The following GRK3 variants were observed in gnomAD, a reference collection of about 807,000 sequenced individuals.
The protein encoded by GRK3 is G protein-coupled receptor kinase 3.
A neutral mutation model predicts 95.7 loss-of-function variants in GRK3; 54 were observed. The ratio of observed to expected loss-of-function variants is 0.56; its 90% CI spans 0.45 to 0.71. The LOEUF (loss-of-function observed/expected upper bound fraction) is 0.71, where lower values mean the gene tolerates loss of function less well. Among genes scored for constraint, GRK3 ranks in the 30% least tolerant of loss-of-function variants. GRK3 has a pLI of 0.00. For missense variants in GRK3, 649 were observed against 851.2 expected (o/e 0.76, Z 2.96); for synonymous variants, 281 against 290.8 (o/e 0.97, Z 0.34).
In GRK3 at chr22:25,568,320, TA is replaced by T. The variant is rs59430661; in HGVS notation, c.113+3175del. Among the ~76,000 whole-genome samples, 227 of 151,762 alleles carry T rather than the reference TA, an allele frequency of 1.5e-3. 1 individual carries two copies. The highest frequency in any genetic ancestry group is 5.2e-3 in the African/African-American group (216 of 41,362). ...TATTACTCTGTTACTCTTTTTTTTTTAAAAAAAACAGAATGAAATTCAGATG... is the reference window on the plus strand; with the variant it reads ...TATTACTCTGTTACTCTTTTTTTTTTAAAAAAACAGAATGAAATTCAGATG... On this transcript the variant is annotated intron_variant, in intron 1 of 20. Transcript: ENST00000324198.
chr22:25,576,136 T>C (rs1931884687), intron 1 of GRK3, among the ~76,000 whole-genome samples: 1 of 152,160 alleles, frequency 6.6e-6, no homozygotes, highest in Non-Finnish European at 1.5e-5. Context: ...CATTAAACAC[T>C]GGCTCCCACA....
intron 19 of GRK3, among the ~76,000 whole-genome samples, chr22:25,719,975 G>A (rs372885923): frequency 4.1e-4 from 62 of 152,192 alleles, no homozygotes; most frequent in African/African-American, 1.5e-3. Flanking sequence ...TCCTGCCATC[G>A]AAGTTATTTT....
chr22:25,673,351 C>T (rs904206826), intron 7 of GRK3, among the ~76,000 whole-genome samples: 8 of 148,576 alleles, frequency 5.4e-5, no homozygotes, highest in Non-Finnish European at 1.0e-4. Context: ...CGTGAGCCAC[C>T]GCGCCCAGCA....
intron 2 of GRK3, among the ~76,000 whole-genome samples, chr22:25,618,771 T>A (rs141517907): frequency 4.0e-5 from 6 of 151,876 alleles, no homozygotes; most frequent in Admixed American, 3.9e-4. Context: ...CCCTGAACTC[T>A]TGATGCCCTC....
At chr22:25,694,728 C>T (rs533731228) in intron 12 of GRK3, among the ~76,000 whole-genome samples, 2 of 152,264 alleles carry the variant, frequency 1.3e-5, no homozygotes, top group East Asian at 1.9e-4. Flanking sequence ...GCAGCGTGGT[C>T]GCCTGTTCAT....
At chr22:25,612,331 A>G (rs1232383946) in intron 2 of GRK3, among the ~76,000 whole-genome samples, 9 of 152,136 alleles carry the variant, frequency 5.9e-5, no homozygotes, top group African/African-American at 2.2e-4. Flanking sequence ...TTCTCATTAA[A>G]TTTGTTCCCA....
chr22:25,666,690 G>A (rs2084944071), intron 5 of GRK3, among the ~76,000 whole-genome samples: 1 of 151,984 alleles, frequency 6.6e-6, no homozygotes, highest in South Asian at 2.1e-4. Context: ...GGTTCCTGTG[G>A]CTTCTGCAGA....
At chr22:25,676,499 G>A (rs2085030739) in intron 8 of GRK3, among the ~76,000 whole-genome samples, 1 of 152,030 alleles carries the variant, frequency 6.6e-6, no homozygotes, top group South Asian at 2.1e-4. Context: ...AGACTGTCCT[G>A]GCTAACACAG....
chr22:25,592,890 C>T (rs950967102), intron 1 of GRK3, among the ~76,000 whole-genome samples: 7 of 152,108 alleles, frequency 4.6e-5, no homozygotes, highest in African/African-American at 1.7e-4. Context: ...TTAGCTCCCA[C>T]TTATAAGTAA....
chr22:25,666,583 C>T (rs370346469), intron 5 of GRK3, among the ~76,000 whole-genome samples: 6 of 152,218 alleles, frequency 3.9e-5, no homozygotes, highest in Admixed American at 2.0e-4. Flanking sequence ...CCCCCACCAC[C>T]GCCCCCTATC....
intron 20 of GRK3, among the ~76,000 whole-genome samples, chr22:25,722,023 C>G (rs946966397): frequency 2.6e-5 from 4 of 152,192 alleles, no homozygotes; most frequent in African/African-American, 9.7e-5. Context: ...AAAGTAATCT[C>G]TAAACAAATT....
At chr22:25,715,448 G>A (rs2085376499) in intron 18 of GRK3, among the ~76,000 whole-genome samples, 1 of 152,128 alleles carries the variant, frequency 6.6e-6, no homozygotes, top group Non-Finnish European at 1.5e-5. Context: ...GAGGTCGTCT[G>A]CAGTGAGCTG....
At chr22:25,720,590 C>T (rs956644585) in intron 19 of GRK3, among the ~76,000 whole-genome samples, 1 of 150,280 alleles carries the variant, frequency 6.7e-6, no homozygotes, top group Admixed American at 6.7e-5. Flanking sequence ...GATTCTCCTG[C>T]CTCAGCCTCC....
intron 15 of GRK3, among the ~76,000 whole-genome samples, chr22:25,706,482 C>A (rs1421969863): frequency 6.6e-6 from 1 of 152,028 alleles, no homozygotes; most frequent in Non-Finnish European, 1.5e-5. Context: ...CTGCTGATGG[C>A]CCTCTCTCTC....
chr22:25,645,290 C>T (rs1476913700), intron 3 of GRK3, among the ~76,000 whole-genome samples: 1 of 152,152 alleles, frequency 6.6e-6, no homozygotes, highest in Non-Finnish European at 1.5e-5. Flanking sequence ...GATGGAAACT[C>T]TAGAAGATGT....
chr22:25,577,694 A>G (rs926380572), intron 1 of GRK3, among the ~76,000 whole-genome samples: 1 of 152,192 alleles, frequency 6.6e-6, no homozygotes, highest in Non-Finnish European at 1.5e-5. Context: ...CCTCGTCAGC[A>G]GTATATAGAT....
intron 3 of GRK3, 109 bp downstream of exon 3, chr22:25,644,774 G>T (rs2084768923): frequency 3.5e-6 from 2 of 565,558 alleles, no homozygotes; most frequent in Non-Finnish European, 5.9e-6. Flanking sequence ...GAAATTCATT[G>T]AAAGTAATTA....
intron 10 of GRK3, among the ~76,000 whole-genome samples, 173 bp downstream of exon 10, chr22:25,685,421 A>G (rs1420576472): frequency 4.6e-5 from 7 of 152,226 alleles, no homozygotes; most frequent in Admixed American, 2.0e-4. Flanking sequence ...TCATTTTTCA[A>G]TGTTGACTGC....
At chr22:25,673,008 AT>A (rs3884806) in intron 7 of GRK3, among the ~76,000 whole-genome samples, 14,125 of 110,502 alleles carry the variant, frequency 0.13, 683 homozygotes, top group East Asian at 0.28. Context: ...ATCAACCGGA[AT>A]TTTTTTTTTT....
Sources: gnomAD v4.1 joint callset for allele counts (sites outside exome capture counted in the v4.1 genomes callset) on GRCh38, gnomAD v4.1.1 for gene constraint, MANE v1.5 for transcripts, NCBI Gene and HGNC (gene_info 2026-07-23, HGNC 2026-07-21) for gene names.